The following LYZ variants were observed in gnomAD, a reference collection of about 807,000 sequenced individuals.
LYZ encodes lysozyme.
LYZ carries 18 observed loss-of-function variants against 15.8 expected under a neutral mutation model. The ratio of observed to expected loss-of-function variants is 1.14; its 90% CI spans 0.79 to 1.69. The LOEUF (loss-of-function observed/expected upper bound fraction) is 1.69. Ranked by LOEUF, LYZ falls within the 40% of genes most tolerant of loss-of-function variation. The probability of loss-of-function intolerance (pLI) is 0.00; values close to 1 mark genes in which losing one functional copy is unlikely to be tolerated. For missense variants in LYZ, 139 were observed against 182.8 expected (o/e 0.76, Z 1.38); for synonymous variants, 60 against 61.7 (o/e 0.97, Z 0.13).
chr12:69,352,120 T>A, intron 2 of LYZ, 100 bp from the exon 3 acceptor site: 2 of 751,494 alleles, frequency 2.7e-6, no homozygotes, highest in Non-Finnish European at 4.6e-6. Flanking sequence ...AAATAATATC[T>A]TACCATTCTT....
Position 69,350,737 on chromosome 12 carries a change from C to CTTTT in LYZ, c.301+494_301+497dup, listed in dbSNP as rs60163961. The stretch of plus-strand genomic sequence containing the variant: ...TTTGCCATAGTTGCTTCTTCTATGC[C>CTTTT]TTTTTTTTTTTTTTTTTTTTTTTTT... On this transcript the variant is annotated intron_variant, in intron 2 of 3. Transcript: ENST00000261267. 8.8e-4 allele frequency among the ~76,000 whole-genome samples: 23 copies of CTTTT among 26,028 alleles called. 1 individual carries two copies. The highest frequency in any genetic ancestry group is 1.7e-3 in the African/African-American group (17 of 9,906). 17.1% of individuals were successfully genotyped at this position (26,028 alleles called of 152,430 possible). A position where few individuals can be genotyped will look rare whatever the true frequency, so the allele number is the denominator to read the frequency against.
At chr12:69,352,768 G>A (rs572331611) in intron 3 of LYZ, among the ~76,000 whole-genome samples, 4 of 152,290 alleles carry the variant, frequency 2.6e-5, no homozygotes, top group South Asian at 2.1e-4. Context: ...CCAGCCACTC[G>A]GGAGGCTGAG....
chr12:69,352,244 A>C lies in LYZ; in HGVS notation c.326A>C (p.Asp109Ala). The change falls in exon 3 of 4, where the codon GAT becomes GCT. Residue 109 changes from aspartate (D) to alanine (A), a missense_variant. By Grantham distance (126) the Asp-to-Ala change is moderately radical (BLOSUM62 -2). Coordinates refer to ENST00000261267, the MANE Select transcript of LYZ (RefSeq NM_000239.3). Reference protein sequence around the residue: ...CSALLQDNIADAVACAKRVVR... With the variant: ...CSALLQDNIAAAVACAKRVVR... ...GCTTTGCTGCAAGATAACATCGCTG[A>C]TGCTGTAGCTTGTGCAAAGAGGGTT... The C allele has an allele frequency of 2.5e-6, 4 of 1,613,948 alleles. No individual in the cohort carries two copies. The highest frequency in any genetic ancestry group is 2.5e-6 in the Non-Finnish European group (3 of 1,179,852).
rs1412678115 is a variant in LYZ, at chr12:69,348,513, G to A, written c.105G>A (p.Met35Ile). 2 of 1,614,098 alleles carry A rather than the reference G, an allele frequency of 1.2e-6. No homozygotes were observed. The highest frequency in any genetic ancestry group is 2.2e-5 in the East Asian group (1 of 44,898). Residue 35 changes from methionine to isoleucine, a missense_variant, in exon 1 of 4, where the codon ATG (methionine) becomes ATA (isoleucine). Met to Ile is a conservative substitution (Grantham distance 10, BLOSUM62 1). Transcript: ENST00000261267. ...CCAGAACTCTGAAAAGATTGGGAAT[G>A]GATGGCTACAGGGGAATCAGCCTAG... ...ELARTLKRLG[M>I]DGYRGISLAN...
chr12:69,352,607 C>T (rs1183099338), intron 3 of LYZ, among the ~76,000 whole-genome samples: 1 of 152,222 alleles, frequency 6.6e-6, no homozygotes, highest in African/African-American at 2.4e-5. Flanking sequence ...GGCACAGTGG[C>T]TCACGCCTGT....
In LYZ at chr12:69,353,497, C is replaced by CGTTTTTTTTTTTTTT. The variant is rs753762306; in HGVS notation, c.*278_*279insGTTTTTTTTTTTTTT. 4.0e-6 allele frequency: 1 copy of CGTTTTTTTTTTTTTT among 252,662 alleles called. No homozygotes were observed. Among genetic ancestry groups the CGTTTTTTTTTTTTTT allele is most frequent in the African/African-American group, 3.1e-5 (1 of 32,688 alleles). The allele number at this position is 252,662 out of a possible 1,614,324, so 15.7% of individuals were successfully genotyped here. A position where few individuals can be genotyped will look rare whatever the true frequency, so the allele number is the denominator to read the frequency against. ...AAATACATCTCCAGTACATTCCGTT[C>CGTTTTTTTTTTTTTT]TTTTTTTTTTTGAGACAGTCTCGCT... On this transcript the variant is annotated 3_prime_UTR_variant, in exon 4 of 4. Transcript: ENST00000261267.
At chr12:69,350,623 T>TA (rs1448239494) in intron 2 of LYZ, 14 of 262,438 alleles carry the variant, frequency 5.3e-5, no homozygotes, top group South Asian at 5.2e-4. Flanking sequence ...CTTTTTTTTT[T>TA]ATGAAATGTT....
chr12:69,353,029 C>A, intron 3 of LYZ, 124 bp from the exon 4 acceptor site: 1 of 751,200 alleles, frequency 1.3e-6, no homozygotes, highest in Non-Finnish European at 2.4e-6. Flanking sequence ...ATAGCAATAG[C>A]TGGGTCTATC....
At position 69,353,333 on chromosome 12, in the gene LYZ, G is replaced by A. The variant is rs1021501722; in HGVS notation, c.*114G>A. The A allele has an allele frequency of 7.1e-5, 62 of 869,020 alleles. No homozygotes were observed. Among genetic ancestry groups the A allele is most frequent in the Non-Finnish European group, 8.5e-5 (43 of 507,530 alleles). The allele number at this position is 869,020 out of a possible 1,614,324, so 53.8% of individuals were successfully genotyped here. ...CCTTCAAACAAATAATATTTTTACA[G>A]AAGCAGGAGCAAAATATGGCCTTTC... On this transcript the variant is annotated 3_prime_UTR_variant, in exon 4 of 4. Transcript: ENST00000261267.
At chr12:69,349,670 C>T (rs1874797637) in intron 1 of LYZ, among the ~76,000 whole-genome samples, 1 of 152,018 alleles carries the variant, frequency 6.6e-6, no homozygotes, top group African/African-American at 2.4e-5. Context: ...CCAAATTCAC[C>T]TTTAGATATT....
chr12:69,351,680 G>A (rs1023603080), intron 2 of LYZ, among the ~76,000 whole-genome samples: 3 of 151,740 alleles, frequency 2.0e-5, no homozygotes, highest in Non-Finnish European at 2.9e-5. Flanking sequence ...AATACAAATC[G>A]GTTTTTAATG....
chr12:69,349,443 A>G (rs536905143), intron 1 of LYZ, among the ~76,000 whole-genome samples: 2 of 152,238 alleles, frequency 1.3e-5, no homozygotes, highest in African/African-American at 4.8e-5. Context: ...ATTTTTATCT[A>G]CTCTACTTGA....
chr12:69,351,772 T>C (rs1255034400), intron 2 of LYZ, among the ~76,000 whole-genome samples: 1 of 152,214 alleles, frequency 6.6e-6, no homozygotes, highest in Non-Finnish European at 1.5e-5. Flanking sequence ...TTTTAATATA[T>C]GAATATTCTA....
intron 2 of LYZ, 163 bp downstream of exon 2, chr12:69,350,435 A>G: frequency 2.9e-6 from 2 of 691,108 alleles, no homozygotes; most frequent in Non-Finnish European, 4.9e-6. Context: ...GTAAGAAATT[A>G]AAGAAGTGGT....
chr12:69,349,003 T>C (rs1874784928), intron 1 of LYZ, among the ~76,000 whole-genome samples: 1 of 152,054 alleles, frequency 6.6e-6, no homozygotes, highest in Non-Finnish European at 1.5e-5. Flanking sequence ...TATTTTTATT[T>C]TATTTTATTT....
chr12:69,353,091 T>A, intron 3 of LYZ, 62 bp from the exon 4 acceptor site: 1 of 1,117,606 alleles, frequency 8.9e-7, no homozygotes, highest in South Asian at 1.2e-5. Context: ...GAGTGCGAAG[T>A]ATGTATATTA....
intron 1 of LYZ, among the ~76,000 whole-genome samples, chr12:69,349,584 A>G (rs190447782): frequency 1.8e-3 from 271 of 152,356 alleles, no homozygotes; most frequent in Middle Eastern, 0.014. Flanking sequence ...ATTTCCCCTC[A>G]ATAGCTATTT....
chr12:69,353,374 T>A lies in LYZ; in HGVS notation c.*155T>A. 1 of 708,504 alleles carries A rather than the reference T, an allele frequency of 1.4e-6. No homozygotes were observed. The highest frequency in any genetic ancestry group is 2.0e-5 in the Admixed American group (1 of 49,006). 43.9% of individuals were successfully genotyped at this position (708,504 alleles called of 1,614,324 possible). Reference sequence around the variant, plus strand: ...ATGGCCTTTCTTCTAAGAGATATAATGTTCACTAATGTGGTTATTTTACAT... The same window carrying A: ...ATGGCCTTTCTTCTAAGAGATATAAAGTTCACTAATGTGGTTATTTTACAT... On this transcript the variant is annotated 3_prime_UTR_variant, in exon 4 of 4. Transcript: ENST00000261267.
chr12:69,351,403 G>T (rs1874841743), intron 2 of LYZ, among the ~76,000 whole-genome samples: 1 of 151,176 alleles, frequency 6.6e-6, no homozygotes. Flanking sequence ...AATAATATTT[G>T]GTCATTAAAT....
Sources: allele counts gnomAD v4.1 joint callset (sites outside exome capture counted in the v4.1 genomes callset), GRCh38; gene constraint gnomAD v4.1.1; transcripts MANE v1.5; gene names NCBI Gene and HGNC (gene_info 2026-07-23, HGNC 2026-07-21).